Variants in RAB3C observed in about 807,000 individuals in gnomAD.
RAB3C encodes ras-related protein Rab-3C.
In RAB3C, 17 loss-of-function variants were observed where a neutral mutation model predicts 26.4. The ratio of observed to expected loss-of-function variants is 0.64; its 90% CI spans 0.44 to 0.97. The LOEUF is 0.97. RAB3C is among the 50% of genes least tolerant of loss of function. RAB3C has a pLI of 0.00. For missense variants in RAB3C, 242 were observed against 281.9 expected (o/e 0.86, Z 1.01); for synonymous variants, 91 against 95.9 (o/e 0.95, Z 0.30).
At chr5:58,787,879 G>A (rs560655980) in intron 3 of RAB3C, among the ~76,000 whole-genome samples, 10 of 152,256 alleles carry the variant, frequency 6.6e-5, no homozygotes, top group African/African-American at 9.6e-5. Flanking sequence ...TCCTGGGTGC[G>A]GAACACTCCC....
intron 3 of RAB3C, among the ~76,000 whole-genome samples, chr5:58,754,986 A>C (rs1467912778): frequency 1.3e-5 from 2 of 152,320 alleles, no homozygotes; most frequent in African/African-American, 2.4e-5. Context: ...AAGTGAAAAA[A>C]AAAATCACAT....
intron 3 of RAB3C, among the ~76,000 whole-genome samples, chr5:58,800,086 G>A (rs1742770085): frequency 6.6e-6 from 1 of 152,178 alleles, no homozygotes; most frequent in South Asian, 2.1e-4. Context: ...TTTCAACTAA[G>A]CTGCCTAGAC....
intron 3 of RAB3C, among the ~76,000 whole-genome samples, chr5:58,792,784 T>C (rs539760078): frequency 5.3e-5 from 8 of 152,230 alleles, no homozygotes; most frequent in African/African-American, 1.9e-4. Flanking sequence ...TGTGTGTGTG[T>C]ATGTGTATAT....
At chr5:58,821,023 C>T (rs1743328056) in intron 3 of RAB3C, among the ~76,000 whole-genome samples, 1 of 152,164 alleles carries the variant, frequency 6.6e-6, no homozygotes. Context: ...CCTTCCTGAC[C>T]TTCACAAAAG....
chr5:58,816,158 A>G (rs1161445234), intron 3 of RAB3C, among the ~76,000 whole-genome samples: 1 of 152,170 alleles, frequency 6.6e-6, no homozygotes, highest in Non-Finnish European at 1.5e-5. Context: ...TTAGTGTCTT[A>G]GTAATTCCCC....
chr5:58,584,747 ATTG>A (rs534250034), intron 1 of RAB3C, among the ~76,000 whole-genome samples: 11 of 152,288 alleles, frequency 7.2e-5, no homozygotes, highest in Admixed American at 2.0e-4. Context: ...AATAAAGTAG[ATTG>A]TTAATATTTA....
At chr5:58,825,205 T>C (rs765893068) in intron 4 of RAB3C, 43 bp downstream of exon 4, 7 of 1,578,462 alleles carry the variant, frequency 4.4e-6, no homozygotes, top group Non-Finnish European at 6.0e-6. Context: ...ATAATTTGCT[T>C]ATTATATGTA....
intron 3 of RAB3C, among the ~76,000 whole-genome samples, chr5:58,771,104 C>G (rs1421113697): frequency 2.0e-5 from 3 of 152,104 alleles, no homozygotes. Flanking sequence ...TTTAGCATCA[C>G]CAGCTCCTGC....
chr5:58,636,120 A>G (rs1192107229), intron 2 of RAB3C, among the ~76,000 whole-genome samples: 2 of 152,210 alleles, frequency 1.3e-5, no homozygotes, highest in Non-Finnish European at 2.9e-5. Context: ...TTTTGGCTCC[A>G]CCCCAGCTTG....
At chr5:58,761,778 G>GT (rs1314257245) in intron 3 of RAB3C, among the ~76,000 whole-genome samples, 2 of 152,090 alleles carry the variant, frequency 1.3e-5, no homozygotes, top group African/African-American at 4.8e-5. Context: ...TTTATATACT[G>GT]TAAGTGATGA....
intron 2 of RAB3C, among the ~76,000 whole-genome samples, chr5:58,689,989 A>G (rs1477618127): frequency 2.0e-5 from 3 of 152,146 alleles, no homozygotes; most frequent in African/African-American, 4.8e-5. Flanking sequence ...TGGCTCACTA[A>G]TTCCTCTAAA....
intron 1 of RAB3C, among the ~76,000 whole-genome samples, chr5:58,603,527 T>C (rs1746499928): frequency 6.6e-6 from 1 of 152,166 alleles, no homozygotes; most frequent in Admixed American, 6.5e-5. Context: ...TTTTTGTCTT[T>C]GTTGGATTGG....
At chr5:58,832,090 TC>T (rs1743625391) in intron 4 of RAB3C, among the ~76,000 whole-genome samples, 1 of 152,182 alleles carries the variant, frequency 6.6e-6, no homozygotes, top group Non-Finnish European at 1.5e-5. Flanking sequence ...GTTCCACCCT[TC>T]ATGGTGGGGC....
chr5:58,715,933 T>C (rs531858618), intron 2 of RAB3C, among the ~76,000 whole-genome samples: 1 of 151,974 alleles, frequency 6.6e-6, no homozygotes, highest in South Asian at 2.1e-4. Context: ...TAGTTACATA[T>C]GTATACATGT....
chr5:58,691,008 T>G (rs1196445945), intron 2 of RAB3C, among the ~76,000 whole-genome samples: 1 of 152,164 alleles, frequency 6.6e-6, no homozygotes, highest in Non-Finnish European at 1.5e-5. Flanking sequence ...AAGTTGCTCT[T>G]AAGCCACTTT....
chr5:58,624,161 A>G (rs1346518321), intron 2 of RAB3C, among the ~76,000 whole-genome samples: 3 of 152,140 alleles, frequency 2.0e-5, no homozygotes, highest in African/African-American at 7.2e-5. Context: ...CAGGCATTGG[A>G]CATATAATGG....
intron 2 of RAB3C, among the ~76,000 whole-genome samples, chr5:58,690,510 C>A (rs1028990934): frequency 6.6e-6 from 1 of 152,142 alleles, no homozygotes; most frequent in African/African-American, 2.4e-5. Flanking sequence ...GTGTTGGCTG[C>A]AATAACCTAA....
intron 3 of RAB3C, among the ~76,000 whole-genome samples, chr5:58,732,532 T>A (rs1741049515): frequency 6.6e-6 from 1 of 152,168 alleles, no homozygotes; most frequent in South Asian, 2.1e-4. Flanking sequence ...GACAGAATAT[T>A]TGCGCACCTT....
At chr5:58,731,893 C>A (rs915174827) in intron 3 of RAB3C, among the ~76,000 whole-genome samples, 16 of 152,190 alleles carry the variant, frequency 1.1e-4, no homozygotes, top group African/African-American at 3.9e-4. Flanking sequence ...GTGGCATTGG[C>A]CTGAGATAAG....
Sources: allele counts gnomAD v4.1 joint callset (sites outside exome capture counted in the v4.1 genomes callset), GRCh38; gene constraint gnomAD v4.1.1; transcripts MANE v1.5; gene names NCBI Gene and HGNC (gene_info 2026-07-23, HGNC 2026-07-21).